CDIN1: variants seen among roughly 807,000 people sequenced by gnomAD.
CDIN1 encodes the protein CDAN1 interacting nuclease 1.
CDIN1 carries 33 observed loss-of-function variants against 45.3 expected under a neutral mutation model. The observed-to-expected ratio is 0.73, with a 90% CI of 0.55 to 0.97. The LOEUF (loss-of-function observed/expected upper bound fraction) is 0.97, where lower values mean the gene tolerates loss of function less well. CDIN1 is among the 50% of genes least tolerant of loss of function. The probability of loss-of-function intolerance (pLI) is 0.00; values close to 1 mark genes in which losing one functional copy is unlikely to be tolerated. For missense variants in CDIN1, 303 were observed against 339.4 expected (o/e 0.89, Z 0.84); for synonymous variants, 118 against 124.4 (o/e 0.95, Z 0.34).
chr15:36,691,028 A>C (rs1472867817), intron 5 of CDIN1: 1 of 405,470 alleles, frequency 2.5e-6, no homozygotes, highest in Non-Finnish European at 4.7e-6. Context: ...AAGTTGAGGC[A>C]TATTTTGGGT....
In CDIN1 at chr15:36,805,411, T is replaced by C. The variant is rs563974270; in HGVS notation, c.717-2913T>C. ...AAGGACTCTCTTTTCTTTTCAATGT[T>C]GTTAACAAAGTCTCTTTGATTTTTA... On this transcript the variant is annotated intron_variant, in intron 10 of 10. Coordinates refer to ENST00000566621, the MANE Select transcript of CDIN1 (RefSeq NM_001321759.2). 2.0e-5 allele frequency among the ~76,000 whole-genome samples: 3 copies of C among 152,310 alleles called. No homozygotes were observed. In the East Asian group the frequency reaches 5.8e-4, roughly 29 times the overall value.
chr15:36,627,751 A>G (rs1395157545), intron 1 of CDIN1: 2 of 152,370 alleles, frequency 1.3e-5, no homozygotes, highest in African/African-American at 4.8e-5. Context: ...TGGACCAACC[A>G]TCACCAGGGC....
Position 36,808,575 on chromosome 15 carries a change from T to C in CDIN1, c.*122T>C. The C allele has an allele frequency of 7.8e-7, 1 of 1,290,318 alleles. No homozygotes were observed. The highest frequency in any genetic ancestry group is 1.1e-6 in the Non-Finnish European group (1 of 935,908). 79.9% of individuals were successfully genotyped at this position (1,290,318 alleles called of 1,614,324 possible). A position where few individuals can be genotyped will look rare whatever the true frequency, so the allele number is the denominator to read the frequency against. On this transcript the variant is annotated 3_prime_UTR_variant, in exon 11 of 11. Transcript: ENST00000566621. The stretch of plus-strand genomic sequence containing the variant: ...ACTTCAGCTGAACTCTTGCTGCCCG[T>C]AGTCACACCACTACCTCTTTAGACA...
intron 5 of CDIN1, among the ~76,000 whole-genome samples, chr15:36,688,729 A>G (rs751646271): frequency 1.1e-4 from 16 of 152,176 alleles, no homozygotes; most frequent in Non-Finnish European, 1.9e-4. Flanking sequence ...GGCCATGACA[A>G]GGTTGTCCAG....
chr15:36,774,903 T>C (rs1449362778), intron 10 of CDIN1, among the ~76,000 whole-genome samples: 1 of 152,202 alleles, frequency 6.6e-6, no homozygotes. Flanking sequence ...CTCTTTATCA[T>C]AGAAAGCAAG....
At position 36,717,634 on chromosome 15, in the gene CDIN1, A is replaced by G. The variant is rs145001701; in HGVS notation, c.716+7673A>G. 1.0e-3 allele frequency among the ~76,000 whole-genome samples: 158 copies of G among 152,288 alleles called. 6 individuals carry two copies. The East Asian group carries it at 0.03, about 29-fold the overall frequency. ...ATAAAGCTGATCTGAACAGTTTTGT[A>G]AAATATTAACATGATTTCATTACTC... On this transcript the variant is annotated intron_variant, in intron 10 of 10. Coordinates refer to ENST00000566621, the MANE Select transcript of CDIN1 (RefSeq NM_001321759.2).
chr15:36,754,099 C>T (rs1430960339), intron 10 of CDIN1, among the ~76,000 whole-genome samples: 5 of 152,106 alleles, frequency 3.3e-5, no homozygotes, highest in Non-Finnish European at 7.4e-5. Flanking sequence ...CAGACTTATG[C>T]GTGGGTATGC....
At chr15:36,592,445 G>T (rs548131808) in intron 1 of CDIN1, among the ~76,000 whole-genome samples, 143 of 152,322 alleles carry the variant, frequency 9.4e-4, no homozygotes, top group African/African-American at 3.2e-3. Context: ...TCTATCGCCA[G>T]TCTGAGACTT....
intron 3 of CDIN1, among the ~76,000 whole-genome samples, chr15:36,650,216 T>A (rs898434210): frequency 2.0e-5 from 3 of 152,220 alleles, no homozygotes; most frequent in Non-Finnish European, 4.4e-5. Context: ...CTTATGCTCA[T>A]GTGCACCAAT....
chr15:36,694,165 A>T (rs2042343959), intron 7 of CDIN1, among the ~76,000 whole-genome samples: 1 of 152,222 alleles, frequency 6.6e-6, no homozygotes, highest in East Asian at 1.9e-4. Context: ...TTTGTCATGC[A>T]AAATAAAACA....
At chr15:36,648,130 T>C (rs1051918444) in intron 3 of CDIN1, among the ~76,000 whole-genome samples, 19 of 152,058 alleles carry the variant, frequency 1.2e-4, no homozygotes, top group Admixed American at 5.2e-4. Flanking sequence ...TGAGCCACCG[T>C]GCCCGGCTGT....
At chr15:36,754,361 G>T (rs1402209699) in intron 10 of CDIN1, among the ~76,000 whole-genome samples, 1 of 152,066 alleles carries the variant, frequency 6.6e-6, no homozygotes, top group Non-Finnish European at 1.5e-5. Flanking sequence ...CTTGAGCCCT[G>T]ACCTAAACTG....
chr15:36,692,512 A>C (rs140569207), intron 7 of CDIN1, among the ~76,000 whole-genome samples: 115 of 152,316 alleles, frequency 7.6e-4, no homozygotes, highest in African/African-American at 2.5e-3. Flanking sequence ...ATTTTTTAAA[A>C]ATATAACAAA....
intron 1 of CDIN1, chr15:36,641,247 T>A (rs569014102): frequency 6.6e-6 from 1 of 152,356 alleles, no homozygotes; most frequent in South Asian, 2.1e-4. Flanking sequence ...CATGTATAAT[T>A]ACACAGAATA....
chr15:36,586,120 C>A, intron 1 of CDIN1, among the ~76,000 whole-genome samples: 1 of 152,012 alleles, frequency 6.6e-6, no homozygotes, highest in Non-Finnish European at 1.5e-5. Context: ...CTCCTAGAAC[C>A]TTCGAGTACC....
At chr15:36,753,120 C>T (rs1769723622) in intron 10 of CDIN1, among the ~76,000 whole-genome samples, 1 of 152,288 alleles carries the variant, frequency 6.6e-6, no homozygotes, top group Admixed American at 6.5e-5. Context: ...ATCACCTTTT[C>T]TCATAGCACC....
intron 5 of CDIN1, among the ~76,000 whole-genome samples, chr15:36,680,507 A>G (rs926101202): frequency 2.6e-5 from 4 of 152,330 alleles, no homozygotes; most frequent in Admixed American, 1.3e-4. Context: ...AAGATATGTG[A>G]CCAGGTATAA....
rs1450584493 is a variant in CDIN1, at chr15:36,699,228, ACAT to A, written c.544+1839_544+1841del. ...GTATTTTTAATGTAGCACTGAATTA[ACAT>A]ATGTTTGTGGTTGAAAAATGAAAAT... On this transcript the variant is annotated intron_variant, in intron 8 of 10. Coordinates refer to ENST00000566621, the MANE Select transcript of CDIN1 (RefSeq NM_001321759.2). Among the ~76,000 whole-genome samples the A allele has an allele frequency of 2.0e-3, 310 of 152,296 alleles. 1 individual carries two copies. Among genetic ancestry groups the A allele is most frequent in the African/African-American group, 6.9e-3 (285 of 41,562 alleles).
At position 36,712,281 on chromosome 15, in the gene CDIN1, T is replaced by TC. The variant is rs1379622879; in HGVS notation, c.716+2320_716+2321insC. 2.7e-5 allele frequency among the ~76,000 whole-genome samples: 4 copies of TC among 147,108 alleles called. No individual in the cohort carries two copies. In the East Asian group the frequency reaches 7.9e-4, roughly 29 times the overall value. ...AATGCTTTTTTTTTTTTTTTTTTTT[T>TC]TTGAGATGGAGTCTCACTCTGTCAT... On this transcript the variant is annotated intron_variant, in intron 10 of 10. Transcript: ENST00000566621.
Sources: gnomAD v4.1 joint callset for allele counts (sites outside exome capture counted in the v4.1 genomes callset) on GRCh38, gnomAD v4.1.1 for gene constraint, MANE v1.5 for transcripts, NCBI Gene and HGNC (gene_info 2026-07-23, HGNC 2026-07-21) for gene names.